The following CAPN10 variants were observed in gnomAD, a reference collection of about 807,000 sequenced individuals.
CAPN10 encodes the protein calpain-10.
Under a neutral mutation model 78.4 loss-of-function variants are expected in CAPN10, and 71 were observed. The ratio of observed to expected loss-of-function variants is 0.91; its 90% CI spans 0.75 to 1.10. The LOEUF is 1.10. CAPN10 is among the 50% of genes least tolerant of loss of function. The pLI is 0.00. For synonymous variants in CAPN10, 437 were observed against 407.2 expected (o/e 1.07, Z -0.88); for missense variants, 849 against 924.6 (o/e 0.92, Z 1.06).
intron 6 of CAPN10, 121 bp from the exon 7 acceptor site, chr2:240,594,903 G>A: frequency 1.2e-6 from 1 of 818,822 alleles, no homozygotes; most frequent in Non-Finnish European, 1.7e-6. Context: ...TTGTGGGAGG[G>A]GCTGGCTCTG....
intron 7 of CAPN10, 44 bp from the exon 8 acceptor site, chr2:240,596,274 AC>A: frequency 6.4e-7 from 1 of 1,557,896 alleles, no homozygotes; most frequent in South Asian, 1.2e-5. Flanking sequence ...AGGGCGTCTG[AC>A]CCCGGCCGCT....
chr2:240,592,394 G>A (rs1158375591), intron 4 of CAPN10: 2 of 697,088 alleles, frequency 2.9e-6, no homozygotes, highest in African/African-American at 3.5e-5. Flanking sequence ...GCAGGAAGAG[G>A]TGGCACCGAG....
intron 4 of CAPN10, among the ~76,000 whole-genome samples, chr2:240,593,384 G>C (rs2093115419): frequency 6.6e-6 from 1 of 152,224 alleles, no homozygotes; most frequent in African/African-American, 2.4e-5. Context: ...CTTCCTCTCT[G>C]TTTGGCTCTT....
Position 240,596,682 on chromosome 2 carries a change from G to A in CAPN10, c.1483G>A (p.Ala495Thr), listed in dbSNP as rs759430755. ...CTCCCATGTTTGTCTTCTTGGCAGC[G>A]CCATCAGGGCAGTGGCCAAGAACAC... ...VFSTGRVSLS[A>T]IRAVAKNTTP... Residue 495 changes from alanine (A) to threonine (T), a missense_variant and splice_region_variant, in exon 9 of 12, where the codon GCC (alanine) becomes ACC (threonine). By Grantham distance (58) the Ala-to-Thr change is moderately conservative. Transcript: ENST00000391984. 9.7e-6 allele frequency: 15 copies of A among 1,538,530 alleles called. No homozygotes were observed. Among genetic ancestry groups the A allele is most frequent in the Admixed American group, 5.9e-5 (3 of 50,524 alleles).
rs550302760 is a variant in CAPN10 at position 240,597,816 on chromosome 2, G to A, written c.1744-72G>A. The A allele has an allele frequency of 1.1e-4, 149 of 1,357,958 alleles. 1 individual carries two copies. The South Asian group carries it at 1.8e-3, about 16-fold the overall frequency. The allele number at this position is 1,357,958 out of a possible 1,614,324, so 84.1% of individuals were successfully genotyped here. A position where few individuals can be genotyped will look rare whatever the true frequency, so the allele number is the denominator to read the frequency against. ...TGACTCAAGAGGGCCAAGGGCATCC[G>A]AGCAGATGGCCCTGGGCTGGGCTCC... On this transcript the variant is annotated intron_variant, in intron 9 of 11. Coordinates refer to ENST00000391984, the MANE Select transcript of CAPN10 (RefSeq NM_023083.4).
chr2:240,594,979 C>A lies in CAPN10; in HGVS notation c.998-45C>A, dbSNP rs758068161. ...TGAGGCCACCATGGCGGGAGGCCAGCGAGGAGCCGTGTCCCACAGCTGATG... is the reference window on the plus strand; with the variant it reads ...TGAGGCCACCATGGCGGGAGGCCAGAGAGGAGCCGTGTCCCACAGCTGATG... On this transcript the variant is annotated intron_variant, in intron 6 of 11. Transcript: ENST00000391984. 58 of 1,597,194 alleles carry A rather than the reference C, an allele frequency of 3.6e-5. No individual in the cohort carries two copies. The South Asian group carries it at 6.4e-4, about 18-fold the overall frequency.
rs555965190 is a variant in CAPN10, at chr2:240,597,539, T to C, written c.1744-349T>C. ...TTCACAGTGGGCTGCCTGGGGACCC[T>C]TGGACCCTCGCTGTTTGCCCTGGGC... On this transcript the variant is annotated intron_variant, in intron 9 of 11. Transcript: ENST00000391984. Among the ~76,000 whole-genome samples, 14 of 152,302 alleles carry C rather than the reference T, an allele frequency of 9.2e-5. No homozygotes were observed. The South Asian group carries it at 2.9e-3, about 32-fold the overall frequency.
At chr2:240,593,856 G>C (rs2093118363) in intron 4 of CAPN10, 50 bp from the exon 5 acceptor site, 2 of 1,537,284 alleles carry the variant, frequency 1.3e-6, no homozygotes, top group Non-Finnish European at 1.8e-6. Flanking sequence ...TTGTCAGTTT[G>C]GGACTCCATG....
chr2:240,595,980 G>A, intron 7 of CAPN10: 1 of 1,392,600 alleles, frequency 7.2e-7, no homozygotes, highest in Non-Finnish European at 9.6e-7. Flanking sequence ...TCATGGATGT[G>A]GCCCACATGA....
chr2:240,596,851 GCCCTGGCCCCCGCTGCGTC>G lies in CAPN10; in HGVS notation c.1654_1672del (p.Pro552AlafsTer44). 1 of 1,613,564 alleles carries G rather than the reference GCCCTGGCCCCCGCTGCGTC, an allele frequency of 6.2e-7. No individual in the cohort carries two copies. The highest frequency in any genetic ancestry group is 8.5e-7 in the Non-Finnish European group (1 of 1,180,002). On this transcript the variant is annotated frameshift_variant, in exon 9 of 12. Coordinates refer to ENST00000391984, the MANE Select transcript of CAPN10 (RefSeq NM_023083.4). LOFTEE classifies it high-confidence loss of function. ...TGCTTCCCCTTCTCGGTCCCCGAGGGCCCTGGCCCCCGCTGCGTCCGCATCACTCTGCATCAGCACTGCC... is the reference window on the plus strand; with the variant it reads ...TGCTTCCCCTTCTCGGTCCCCGAGGGCGCATCACTCTGCATCAGCACTGCC...
In CAPN10 at chr2:240,596,380, C is replaced by T. The variant is rs2975765; in HGVS notation, c.1340C>T (p.Ala447Val). The change falls in exon 8 of 12, where the codon GCG becomes GTG. Residue 447 changes from alanine to valine, a missense_variant. Transcript: ENST00000391984. ...VLSMPPVAGT[A>V]CHAYDREVHL... The stretch of plus-strand genomic sequence containing the variant: ...TCCATGCCCCCCGTGGCTGGCACCG[C>T]GTGCCATGCATACGACCGGGAGGTC... 1.2e-4 allele frequency: 186 copies of T among 1,613,142 alleles called. 1 individual carries two copies. The Middle Eastern group carries it at 2.5e-3, about 21-fold the overall frequency.
intron 9 of CAPN10, among the ~76,000 whole-genome samples, chr2:240,597,295 A>AG (rs1172532509): frequency 6.6e-6 from 1 of 152,166 alleles, no homozygotes; most frequent in Non-Finnish European, 1.5e-5. Flanking sequence ...TTGGGAACGC[A>AG]GGGGGCTGAT....
chr2:240,587,926 G>A (rs2093078389), intron 1 of CAPN10, among the ~76,000 whole-genome samples: 1 of 152,154 alleles, frequency 6.6e-6, no homozygotes, highest in African/African-American at 2.4e-5. Context: ...GTGGGTTGTC[G>A]GGGCAAGAAT....
chr2:240,590,601 G>C, intron 2 of CAPN10: 1 of 556,244 alleles, frequency 1.8e-6, no homozygotes, highest in African/African-American at 1.9e-5. Flanking sequence ...GTGCCGTAGA[G>C]TTCTCTGCGA....
intron 2 of CAPN10, chr2:240,590,035 C>T (rs2093091745): frequency 6.5e-6 from 1 of 153,052 alleles, no homozygotes; most frequent in South Asian, 2.1e-4. Context: ...TGACCTCATT[C>T]AGAGTTTCAC....
intron 4 of CAPN10, 130 bp downstream of exon 4, chr2:240,592,280 T>G: frequency 4.9e-6 from 4 of 823,726 alleles, no homozygotes; most frequent in Non-Finnish European, 5.9e-6. Flanking sequence ...GAAGTAAGCT[T>G]GTTCTCAAGG....
intron 1 of CAPN10, 41 bp downstream of exon 1, chr2:240,587,093 C>T (rs2093073097): frequency 7.8e-7 from 1 of 1,278,418 alleles, no homozygotes; most frequent in Non-Finnish European, 1.0e-6. Context: ...TTTCTGGTTT[C>T]TGAGATCTCC....
intron 5 of CAPN10, 53 bp downstream of exon 5, chr2:240,594,100 G>T: frequency 1.3e-6 from 2 of 1,508,220 alleles, no homozygotes; most frequent in Admixed American, 3.8e-5. Flanking sequence ...CCCAGTGCCA[G>T]TCTGGCCTGT....
At chr2:240,595,756 G>A (rs370354464) in intron 7 of CAPN10, among the ~76,000 whole-genome samples, 18 of 152,234 alleles carry the variant, frequency 1.2e-4, no homozygotes, top group African/African-American at 3.9e-4. Context: ...TCCTGACACG[G>A]ATCTCATGGG....
Sources: allele counts gnomAD v4.1 joint callset (sites outside exome capture counted in the v4.1 genomes callset), GRCh38; gene constraint gnomAD v4.1.1; transcripts MANE v1.5; gene names NCBI Gene and HGNC (gene_info 2026-07-23, HGNC 2026-07-21).